Variants in FBN3 observed in about 807,000 individuals in gnomAD.
FBN3 encodes the protein fibrillin-3.
In FBN3, 234 loss-of-function variants were observed where a neutral mutation model predicts 330.1. That is an observed-to-expected ratio of 0.71 (90% CI 0.64 to 0.79). The LOEUF (loss-of-function observed/expected upper bound fraction) is 0.79. Ranked by LOEUF, FBN3 falls within the 30% of genes least tolerant of loss-of-function variation. The pLI, the probability that FBN3 is intolerant of heterozygous loss-of-function variation, is 0.00. For missense variants in FBN3, 3,606 were observed against 3,886.9 expected (o/e 0.93, Z 1.92); for synonymous variants, 1,458 against 1,517.3 (o/e 0.96, Z 0.91).
chr19:8,089,471 T>C (rs570582524), intron 51 of FBN3, 74 bp downstream of exon 51: 2 of 1,569,510 alleles, frequency 1.3e-6, no homozygotes, highest in East Asian at 2.3e-5. Flanking sequence ...TGGGGGTGTC[T>C]TCCCTGCCCT....
chr19:8,065,949 C>A lies in FBN3; in HGVS notation c.8400G>T (p.Leu2800Phe), dbSNP rs778062285. 5.0e-6 allele frequency: 8 copies of A among 1,602,082 alleles called. No homozygotes were observed. The highest frequency in any genetic ancestry group is 1.1e-5 in the South Asian group (1 of 90,328). The change falls in exon 64 of 64, where the codon TTG becomes TTT. Residue 2800 changes from leucine to phenylalanine, a missense_variant. Leu to Phe is a conservative substitution (Grantham distance 22, BLOSUM62 0). Coordinates refer to ENST00000600128, the MANE Select transcript of FBN3 (RefSeq NM_032447.5). ...GCAACTGCAGCTGCACCTTCAGCCT[C>A]AAGGCCTGGCCCCATGGCCCTGGCT... The part of the protein sequence containing the change: ...EGQPGPWGQA[L>F]RLKVQLQLL
In FBN3 at chr19:8,142,099, C is replaced by T. The variant is rs754836929; in HGVS notation, c.580G>A (p.Glu194Lys). 4 of 1,613,098 alleles carry T rather than the reference C, an allele frequency of 2.5e-6. No homozygotes were observed. The highest frequency in any genetic ancestry group is 1.1e-5 in the South Asian group (1 of 91,030). The change falls in exon 7 of 64, where the codon GAG becomes AAG. Residue 194 changes from glutamate to lysine, a missense_variant. Transcript: ENST00000600128. ...TGPCFGQVGP[E>K]GCQHQLTGLV... ...CCCGTCAGCTGATGCTGGCACCCCT[C>T]GGGGCCTACTTGGCCAAAGCAGGGT...
intron 56 of FBN3, among the ~76,000 whole-genome samples, chr19:8,084,276 C>T (rs2081882364): frequency 6.6e-6 from 1 of 152,200 alleles, no homozygotes; most frequent in African/African-American, 2.4e-5. Flanking sequence ...CTCTCACTGC[C>T]TTCTACTTCA....
At chr19:8,143,497 CT>C (rs557671451) in intron 6 of FBN3, among the ~76,000 whole-genome samples, 104 of 126,058 alleles carry the variant, frequency 8.3e-4, no homozygotes, top group East Asian at 3.8e-3. Context: ...CTTTTCTTTT[CT>C]TTTTTTTTTT....
intron 40 of FBN3, among the ~76,000 whole-genome samples, chr19:8,101,192 A>C (rs1027432080): frequency 6.6e-6 from 1 of 152,016 alleles, no homozygotes; most frequent in Non-Finnish European, 1.5e-5. Context: ...TGGTGCAATC[A>C]CGGCTCACTG....
Position 8,111,073 on chromosome 19 carries a change from G to C in FBN3, c.4195C>G (p.His1399Asp). ...CEMGFDPTEDHRACQDVDECA... is the reference protein window; with the variant it reads ...CEMGFDPTEDDRACQDVDECA... ...CCAACCTTACCCTGGCAGGCCCGGT[G>C]GTCCTCGGTGGGGTCAAAGCCCATC... Residue 1399 changes from histidine to aspartate, a missense_variant, in exon 33 of 64, where the codon CAC becomes GAC. Coordinates refer to ENST00000600128, the MANE Select transcript of FBN3 (RefSeq NM_032447.5). 1 of 1,613,284 alleles carries C rather than the reference G, an allele frequency of 6.2e-7. No individual in the cohort carries two copies. The highest frequency in any genetic ancestry group is 8.5e-7 in the Non-Finnish European group (1 of 1,179,494).
Position 8,110,827 on chromosome 19 carries a change from G to T in FBN3, c.4333+18C>A. On this transcript the variant is annotated intron_variant, in intron 34 of 63. Coordinates refer to ENST00000600128, the MANE Select transcript of FBN3 (RefSeq NM_032447.5). ...TCCTGCTCTCTCCTCTCCCCTTCCAGCCCAGATGACCTCACACCTGTGCAG... is the reference window on the plus strand; with the variant it reads ...TCCTGCTCTCTCCTCTCCCCTTCCATCCCAGATGACCTCACACCTGTGCAG... 1 of 1,614,090 alleles carries T rather than the reference G, an allele frequency of 6.2e-7. No individual in the cohort carries two copies. Among genetic ancestry groups the T allele is most frequent in the Non-Finnish European group, 8.5e-7 (1 of 1,179,996 alleles).
chr19:8,127,625 T>C (rs2083024670), intron 18 of FBN3, among the ~76,000 whole-genome samples: 1 of 152,204 alleles, frequency 6.6e-6, no homozygotes, highest in Non-Finnish European at 1.5e-5. Flanking sequence ...TCGGGCTTGA[T>C]CATCCGCTAG....
chr19:8,113,843 A>AAAG (rs1373267837), intron 30 of FBN3, among the ~76,000 whole-genome samples: 2 of 143,312 alleles, frequency 1.4e-5, no homozygotes, highest in Non-Finnish European at 3.0e-5. Context: ...TATCTCTACA[A>AAAG]AAAAAAAAAA....
At position 8,130,663 on chromosome 19, in the gene FBN3, A is replaced by AGG. The variant is rs1354505351; in HGVS notation, c.2044+571_2044+572insCC. On this transcript the variant is annotated intron_variant, in intron 16 of 63. Transcript: ENST00000600128. ...AAGAAAGGAAAGGAAAGGAAAGGAA[A>AGG]AGAAAAGAAAAGAAAAGAAAAGAAA... 3.3e-3 allele frequency among the ~76,000 whole-genome samples: 359 copies of AGG among 108,500 alleles called. 22 individuals carry two copies. Among genetic ancestry groups the AGG allele is most frequent in the Non-Finnish European group, 4.4e-3 (237 of 53,366 alleles). The allele number at this position is 108,500 out of a possible 152,430, so 71.2% of individuals were successfully genotyped here.
In FBN3 at chr19:8,089,933, CA is replaced by C; in HGVS notation, c.6210del (p.Phe2070LeufsTer16). The part of the protein sequence containing the change: ...GSAAFQELCP[F>X]GHGAVPGPDD... ...TCCGGGCCTGGGACTGCCCCGTGGCCAAAGGGGCAGAGCTCCTGAAAGGCAG... is the reference window on the plus strand; with the variant it reads ...TCCGGGCCTGGGACTGCCCCGTGGCCAAGGGGCAGAGCTCCTGAAAGGCAG... On this transcript the variant is annotated frameshift_variant, in exon 50 of 64. Coordinates refer to ENST00000600128, the MANE Select transcript of FBN3 (RefSeq NM_032447.5). LOFTEE classifies it high-confidence loss of function. The C allele has an allele frequency of 6.2e-7, 1 of 1,609,302 alleles. No homozygotes were observed.
chr19:8,125,515 G>T (rs2082956109), intron 22 of FBN3, among the ~76,000 whole-genome samples: 1 of 152,168 alleles, frequency 6.6e-6, no homozygotes, highest in Non-Finnish European at 1.5e-5. Context: ...TTCAGGCCAG[G>T]CGTGGTGGCT....
Position 8,075,319 on chromosome 19 carries a change from C to T in FBN3, c.7546G>A (p.Gly2516Ser). 1.2e-6 allele frequency: 2 copies of T among 1,614,200 alleles called. No individual in the cohort carries two copies. The highest frequency in any genetic ancestry group is 1.7e-6 in the Non-Finnish European group (2 of 1,180,012). Reference sequence around the variant, plus strand: ...TGGCCTGAGCTGACCAGGGTGAAGCCTTGGTGGCATTCACAGCGGAAGCTG... The same window carrying T: ...TGGCCTGAGCTGACCAGGGTGAAGCTTTGGTGGCATTCACAGCGGAAGCTG... ...PGSFRCECHQGFTLVSSGHGC... is the reference protein window; with the variant it reads ...PGSFRCECHQSFTLVSSGHGC... The change falls in exon 60 of 64, where the codon GGC (glycine) becomes AGC (serine). Residue 2516 changes from glycine (G) to serine (S), a missense_variant. Transcript: ENST00000600128.
intron 41 of FBN3, among the ~76,000 whole-genome samples, 191 bp downstream of exon 41, chr19:8,100,710 T>C (rs930647851): frequency 2.0e-4 from 30 of 152,158 alleles, no homozygotes; most frequent in Admixed American, 5.9e-4. Flanking sequence ...ATAAAAATAG[T>C]GTCATTCTTT....
intron 46 of FBN3, 42 bp downstream of exon 46, chr19:8,095,333 G>C (rs779177074): frequency 4.4e-5 from 70 of 1,594,234 alleles, no homozygotes; most frequent in Non-Finnish European, 5.7e-5. Context: ...ACATGGAGCA[G>C]GGGCTGGCTG....
chr19:8,089,618 G>C lies in FBN3; in HGVS notation c.6303C>G (p.Val2101=). 1 of 1,614,210 alleles carries C rather than the reference G, an allele frequency of 6.2e-7. No individual in the cohort carries two copies. Among genetic ancestry groups the C allele is most frequent in the African/African-American group, 1.3e-5 (1 of 75,072 alleles). ...NPGVCTNGVC[V]NTDGSFRCEC... is the part of the protein sequence containing the mutation. Reference sequence around the variant, plus strand: ...CACAGCGGAAGGATCCATCGGTGTTGACACAGACGCCGTTAGTGCAGACGC... The same window carrying C: ...CACAGCGGAAGGATCCATCGGTGTTCACACAGACGCCGTTAGTGCAGACGC... Residue 2101 remains valine, a synonymous_variant, in exon 51 of 64, where the codon GTC becomes GTG. Transcript: ENST00000600128.
chr19:8,132,901 C>A, intron 14 of FBN3, 83 bp downstream of exon 14: 1 of 1,436,264 alleles, frequency 7.0e-7, no homozygotes, highest in Non-Finnish European at 9.3e-7. Flanking sequence ...CATCCCCGTC[C>A]GGTCCCTCTC....
chr19:8,081,575 GA>G, intron 57 of FBN3, 95 bp from the exon 58 acceptor site: 1 of 1,345,868 alleles, frequency 7.4e-7, no homozygotes, highest in East Asian at 2.4e-5. Context: ...CCGACCATCT[GA>G]AATCTGTGGA....
chr19:8,118,328 C>T (rs566177288), intron 26 of FBN3, among the ~76,000 whole-genome samples: 3 of 152,164 alleles, frequency 2.0e-5, no homozygotes, highest in South Asian at 2.1e-4. Flanking sequence ...GGCATAGTGG[C>T]GCATGCCTGT....
Sources: gnomAD v4.1 joint callset for allele counts (sites outside exome capture counted in the v4.1 genomes callset) on GRCh38, gnomAD v4.1.1 for gene constraint, MANE v1.5 for transcripts, NCBI Gene and HGNC (gene_info 2026-07-23, HGNC 2026-07-21) for gene names.